Variants in FMN1 observed in about 807,000 individuals in gnomAD.
FMN1 encodes the protein formin-1.
A neutral mutation model predicts 132.4 loss-of-function variants in FMN1; 110 were observed. That is an observed-to-expected ratio of 0.83 (90% confidence interval 0.71 to 0.97). The LOEUF (loss-of-function observed/expected upper bound fraction) is 0.97, where lower values mean the gene tolerates loss of function less well. FMN1 is among the 50% of genes least tolerant of loss of function. The pLI, the probability that FMN1 is intolerant of heterozygous loss-of-function variation, is 0.00. For synonymous variants in FMN1, 722 were observed against 651.7 expected (o/e 1.11, Z -1.64); for missense variants, 1,792 against 1,705.3 (o/e 1.05, Z -0.90).
intron 7 of FMN1, among the ~76,000 whole-genome samples, chr15:32,987,417 T>A (rs1288178695): frequency 6.6e-6 from 1 of 152,128 alleles, no homozygotes; most frequent in Admixed American, 6.6e-5. Flanking sequence ...TACTTCACAC[T>A]CTAAATATTT....
chr15:33,170,501 A>G (rs142384832), intron 3 of FMN1, among the ~76,000 whole-genome samples: 302 of 152,198 alleles, frequency 2.0e-3, no homozygotes, highest in Middle Eastern at 6.8e-3. Flanking sequence ...TAAACTTTTC[A>G]TCTGACAAGA....
chr15:32,948,949 T>C (rs757814497), intron 9 of FMN1, among the ~76,000 whole-genome samples: 1 of 152,096 alleles, frequency 6.6e-6, no homozygotes, highest in Non-Finnish European at 1.5e-5. Context: ...TATTTCCTTT[T>C]AATTTCTTTG....
intron 2 of FMN1, among the ~76,000 whole-genome samples, chr15:33,188,588 T>C (rs762813234): frequency 8.5e-5 from 13 of 152,202 alleles, no homozygotes; most frequent in Non-Finnish European, 1.5e-5. Context: ...TTTGTGACTA[T>C]GATATCAGAA....
chr15:32,897,153 T>C (rs2060179941), intron 15 of FMN1, among the ~76,000 whole-genome samples: 1 of 152,250 alleles, frequency 6.6e-6, no homozygotes, highest in Non-Finnish European at 1.5e-5. Context: ...TATCTCACTG[T>C]GGTTTTGATT....
intron 7 of FMN1, among the ~76,000 whole-genome samples, chr15:33,001,051 G>A (rs1269480295): frequency 6.6e-6 from 1 of 152,218 alleles, no homozygotes; most frequent in Non-Finnish European, 1.5e-5. Context: ...GGGAGGCCGA[G>A]ACGGGTGGAT....
chr15:32,995,603 C>T (rs1315399080), intron 7 of FMN1, among the ~76,000 whole-genome samples: 1 of 152,134 alleles, frequency 6.6e-6, no homozygotes, highest in African/African-American at 2.4e-5. Context: ...TCATTATTAC[C>T]ATCATTACTA....
intron 16 of FMN1, among the ~76,000 whole-genome samples, chr15:32,872,987 G>T (rs1322807522): frequency 1.3e-5 from 2 of 152,214 alleles, no homozygotes; most frequent in Non-Finnish European, 2.9e-5. Flanking sequence ...ACCTAATCTG[G>T]TGGATGAATT....
At chr15:32,900,205 T>A in intron 13 of FMN1, 80 bp from the exon 14 acceptor site, 1 of 1,479,584 alleles carries the variant, frequency 6.8e-7, no homozygotes, top group Non-Finnish European at 9.4e-7. Flanking sequence ...ATCGACTGTG[T>A]ACTCAATAGG....
In FMN1 at chr15:33,004,086, A is replaced by G. The variant is rs548458781; in HGVS notation, c.2223+3928T>C. Reference sequence around the variant, plus strand: ...TTACATGTTAGACCTAAAACCATAAAAACCCTAGAAGAAAACCTAGGCAAT... The same window carrying G: ...TTACATGTTAGACCTAAAACCATAAGAACCCTAGAAGAAAACCTAGGCAAT... On this transcript the variant is annotated intron_variant, in intron 7 of 20. Coordinates refer to ENST00000616417, the MANE Select transcript of FMN1 (RefSeq NM_001277313.2). Among the ~76,000 whole-genome samples, 64 of 152,294 alleles carry G rather than the reference A, an allele frequency of 4.2e-4. 1 individual carries two copies. The highest frequency in any genetic ancestry group is 4.2e-3 in the Admixed American group (64 of 15,300).
At chr15:33,028,174 C>A (rs374697988) in intron 6 of FMN1, among the ~76,000 whole-genome samples, 17 of 152,156 alleles carry the variant, frequency 1.1e-4, no homozygotes, top group Non-Finnish European at 2.4e-4. Context: ...GCATGAGATG[C>A]GTGTTAGGAG....
intron 9 of FMN1, among the ~76,000 whole-genome samples, chr15:32,961,981 C>A (rs1195713040): frequency 6.6e-6 from 1 of 152,064 alleles, no homozygotes; most frequent in African/African-American, 2.4e-5. Flanking sequence ...ACCCTGAACA[C>A]CCCATTTAAA....
At chr15:32,809,996 T>G (rs1224401799) in intron 17 of FMN1, among the ~76,000 whole-genome samples, 1 of 152,150 alleles carries the variant, frequency 6.6e-6, no homozygotes, top group African/African-American at 2.4e-5. Flanking sequence ...CTCAGCTCAC[T>G]GCAACCTCCA....
intron 17 of FMN1, among the ~76,000 whole-genome samples, chr15:32,833,431 A>C (rs946546814): frequency 6.6e-6 from 1 of 152,130 alleles, no homozygotes; most frequent in Non-Finnish European, 1.5e-5. Flanking sequence ...ACTAGCATCA[A>C]AACAGCCCCA....
intron 6 of FMN1, among the ~76,000 whole-genome samples, chr15:33,034,294 T>C (rs2036088217): frequency 6.6e-6 from 1 of 152,168 alleles, no homozygotes; most frequent in Non-Finnish European, 1.5e-5. Context: ...ATGCTTCTAT[T>C]GCTCAGGTCA....
intron 12 of FMN1, among the ~76,000 whole-genome samples, chr15:32,906,542 G>T (rs2060429342): frequency 6.6e-6 from 1 of 152,132 alleles, no homozygotes; most frequent in Non-Finnish European, 1.5e-5. Flanking sequence ...TACAGGAAAG[G>T]TTTGCCAACT....
Position 33,096,000 on chromosome 15 carries a change from CAAA to C in FMN1, c.1868-7029_1868-7027del, listed in dbSNP as rs5811732. Among the ~76,000 whole-genome samples the C allele has an allele frequency of 3.3e-3, 438 of 130,920 alleles. 3 individuals are homozygous for C. Among genetic ancestry groups the C allele is most frequent in the African/African-American group, 0.011 (427 of 37,890 alleles). The allele number at this position is 130,920 out of a possible 152,430, so 85.9% of individuals were successfully genotyped here. On this transcript the variant is annotated intron_variant, in intron 4 of 20. Coordinates refer to ENST00000616417, the MANE Select transcript of FMN1 (RefSeq NM_001277313.2). ...GGAATATACGTAACAAGGTAAATAC[CAAA>C]AAAAAAAAAAGAAGGCACATTTACT... is the stretch of plus-strand genomic sequence containing the variant.
chr15:33,066,976 C>T (rs749916977), intron 5 of FMN1: 1 of 1,613,964 alleles, frequency 6.2e-7, no homozygotes, highest in African/African-American at 1.3e-5. Context: ...AAGCTAAGTC[C>T]CCATCCTTTG....
chr15:33,017,115 A>G (rs913550902), intron 6 of FMN1, among the ~76,000 whole-genome samples: 1 of 150,376 alleles, frequency 6.6e-6, no homozygotes, highest in Non-Finnish European at 1.5e-5. Context: ...ATGAGGCCGT[A>G]CCCTAGAACT....
intron 4 of FMN1, among the ~76,000 whole-genome samples, chr15:33,103,062 T>C (rs1283425904): frequency 1.3e-5 from 2 of 152,130 alleles, no homozygotes; most frequent in African/African-American, 4.8e-5. Flanking sequence ...CTCCAGCATC[T>C]GACACAGTGC....
Sources: allele counts gnomAD v4.1 joint callset (sites outside exome capture counted in the v4.1 genomes callset), GRCh38; gene constraint gnomAD v4.1.1; transcripts MANE v1.5; gene names NCBI Gene and HGNC (gene_info 2026-07-23, HGNC 2026-07-21).